Variants in GRM5 observed in about 807,000 individuals in gnomAD.
The protein encoded by GRM5 is glutamate metabotropic receptor 5, also known as metabotropic glutamate receptor 5.
Under a neutral mutation model 83.1 loss-of-function variants are expected in GRM5, and 19 were observed. That is an observed-to-expected ratio of 0.23 (90% CI 0.16 to 0.34). The LOEUF is 0.34. Ranked by LOEUF, GRM5 falls within the 10% of genes least tolerant of loss-of-function variation. The pLI is 1.00. For missense variants in GRM5, 1,160 were observed against 1,588.3 expected (o/e 0.73, Z 4.58); for synonymous variants, 675 against 633.6 (o/e 1.07, Z -0.98).
intron 2 of GRM5, among the ~76,000 whole-genome samples, chr11:88,941,463 AGAAG>A (rs1938092127): frequency 2.5e-5 from 3 of 119,442 alleles, no homozygotes; most frequent in Non-Finnish European, 5.2e-5. Context: ...AGAAGAGAAG[AGAAG>A]AGAAGAGGGG....
intron 3 of GRM5, among the ~76,000 whole-genome samples, chr11:88,788,851 T>C (rs1305223105): frequency 6.6e-6 from 1 of 152,132 alleles, no homozygotes; most frequent in Non-Finnish European, 1.5e-5. Flanking sequence ...GATAAAACTT[T>C]TCATAGGCAA....
At chr11:88,898,360 A>G (rs1281176763) in intron 2 of GRM5, among the ~76,000 whole-genome samples, 2 of 152,028 alleles carry the variant, frequency 1.3e-5, no homozygotes, top group African/African-American at 2.4e-5. Flanking sequence ...ATAAGGTCAC[A>G]TTCTGTAGTA....
At position 88,834,432 on chromosome 11, in the gene GRM5, A is replaced by C. The variant is rs969232458; in HGVS notation, c.911+15474T>G. ...TTCATGACTTGCTAAGCTATTAGAA[A>C]ACAATAAAGCTTTAAAATATTCTGA... is the stretch of plus-strand genomic sequence containing the variant. On this transcript the variant is annotated intron_variant, in intron 3 of 9. Transcript: ENST00000305447. Among the ~76,000 whole-genome samples the C allele has an allele frequency of 4.7e-4, 72 of 152,350 alleles. 1 individual carries two copies. The highest frequency in any genetic ancestry group is 1.7e-3 in the African/African-American group (71 of 41,590).
chr11:88,649,687 A>C (rs1325831543), intron 4 of GRM5, among the ~76,000 whole-genome samples: 2 of 151,408 alleles, frequency 1.3e-5, no homozygotes, highest in Admixed American at 6.6e-5. Context: ...AAAACCTGCC[A>C]ATATCAAATG....
chr11:88,827,357 A>C (rs1186289754), intron 3 of GRM5, among the ~76,000 whole-genome samples: 1 of 152,154 alleles, frequency 6.6e-6, no homozygotes, highest in African/African-American at 2.4e-5. Context: ...ACATCCTTAC[A>C]TGCATACTCA....
chr11:89,015,814 GGAA>G (rs1940838622), intron 2 of GRM5, among the ~76,000 whole-genome samples: 1 of 152,142 alleles, frequency 6.6e-6, no homozygotes, highest in African/African-American at 2.4e-5. Flanking sequence ...AAACCAGCTT[GGAA>G]GACTACCAGG....
intron 9 of GRM5, among the ~76,000 whole-genome samples, chr11:88,515,507 G>A (rs547673369): frequency 1.1e-4 from 17 of 152,226 alleles, no homozygotes; most frequent in African/African-American, 4.1e-4. Context: ...TGTGGTCATC[G>A]CTATGCTAAT....
chr11:88,605,462 AT>A lies in GRM5; in HGVS notation c.1148-499del, dbSNP rs1262381912. 2.0e-5 allele frequency among the ~76,000 whole-genome samples: 3 copies of A among 152,076 alleles called. No homozygotes were observed. In the East Asian group the frequency reaches 5.8e-4, roughly 29 times the overall value. ...CCCAGTACGTCTAATCTCAAAGCAT[AT>A]GCTCTCTATAAACTGGCCTATTTGA... On this transcript the variant is annotated intron_variant, in intron 4 of 9. Transcript: ENST00000305447.
chr11:88,515,004 C>G (rs1160362663), intron 9 of GRM5, among the ~76,000 whole-genome samples: 3 of 152,042 alleles, frequency 2.0e-5, no homozygotes, highest in African/African-American at 7.2e-5. Flanking sequence ...CATTTAATCC[C>G]TAATAAATTC....
intron 2 of GRM5, among the ~76,000 whole-genome samples, chr11:88,853,192 C>T (rs1439854343): frequency 1.3e-5 from 2 of 152,080 alleles, no homozygotes; most frequent in African/African-American, 4.8e-5. Context: ...TCACTCGTAG[C>T]TCACGCTACT....
At chr11:88,876,593 TA>T (rs371289090) in intron 2 of GRM5, among the ~76,000 whole-genome samples, 109 of 152,212 alleles carry the variant, frequency 7.2e-4, no homozygotes, top group Middle Eastern at 3.4e-3. Context: ...TCATTAAGCT[TA>T]ATCATTTCTA....
intron 2 of GRM5, among the ~76,000 whole-genome samples, chr11:88,970,696 A>G (rs1428126265): frequency 6.6e-6 from 1 of 152,150 alleles, no homozygotes; most frequent in African/African-American, 2.4e-5. Context: ...AGTGTCACAT[A>G]TCTGGAATCA....
intron 2 of GRM5, among the ~76,000 whole-genome samples, chr11:88,956,299 C>A (rs1363234978): frequency 6.6e-6 from 1 of 152,200 alleles, no homozygotes; most frequent in Non-Finnish European, 1.5e-5. Flanking sequence ...ACATTAAAAT[C>A]TTAGTGATAG....
intron 3 of GRM5, among the ~76,000 whole-genome samples, chr11:88,717,610 A>G (rs904911496): frequency 1.3e-5 from 2 of 151,898 alleles, no homozygotes; most frequent in African/African-American, 4.8e-5. Flanking sequence ...TAAGTAAATA[A>G]ATCTTTTCAT....
At chr11:88,606,381 G>C (rs1938143883) in intron 4 of GRM5, among the ~76,000 whole-genome samples, 1 of 152,184 alleles carries the variant, frequency 6.6e-6, no homozygotes, top group South Asian at 2.1e-4. Flanking sequence ...AATTAGCTGG[G>C]TGTGGTGGCA....
chr11:88,900,100 G>T (rs1945291464), intron 2 of GRM5, among the ~76,000 whole-genome samples: 2 of 152,066 alleles, frequency 1.3e-5, no homozygotes, highest in Non-Finnish European at 1.5e-5. Flanking sequence ...TACCCAGGTG[G>T]CATAAAAAAT....
chr11:89,029,611 C>G (rs1459482831), intron 2 of GRM5, among the ~76,000 whole-genome samples: 4 of 152,112 alleles, frequency 2.6e-5, no homozygotes, highest in African/African-American at 9.7e-5. Flanking sequence ...TTTATTGAGG[C>G]TTTCTTCAAG....
chr11:88,642,598 C>T (rs939402952), intron 4 of GRM5, among the ~76,000 whole-genome samples: 3 of 152,116 alleles, frequency 2.0e-5, no homozygotes, highest in Non-Finnish European at 4.4e-5. Context: ...CATTTATTTG[C>T]TCCCACATCT....
intron 7 of GRM5, among the ~76,000 whole-genome samples, chr11:88,590,081 TAAAC>T (rs527637769): frequency 5.4e-4 from 82 of 151,858 alleles, no homozygotes; most frequent in African/African-American, 1.3e-3. Context: ...AGAAAAAAAA[TAAAC>T]AAGTAAAATC....
Sources: gnomAD v4.1 joint callset for allele counts (sites outside exome capture counted in the v4.1 genomes callset) on GRCh38, gnomAD v4.1.1 for gene constraint, MANE v1.5 for transcripts, NCBI Gene and HGNC (gene_info 2026-07-23, HGNC 2026-07-21) for gene names.